The following ZNF609 variants were observed in gnomAD, a reference collection of about 807,000 sequenced individuals.
ZNF609 encodes the protein zinc finger protein 609.
Under a neutral mutation model 109.5 loss-of-function variants are expected in ZNF609, and 11 were observed. The observed-to-expected ratio is 0.10, with a 90% CI of 0.06 to 0.17. The LOEUF is 0.17. Ranked by LOEUF, ZNF609 falls within the 10% of genes least tolerant of loss-of-function variation. The pLI, the probability that ZNF609 is intolerant of heterozygous loss-of-function variation, is 1.00. For missense variants in ZNF609, 1,559 were observed against 1,772.4 expected (o/e 0.88, Z 2.16); for synonymous variants, 646 against 662.0 (o/e 0.98, Z 0.37).
At chr15:64,485,439 AGT>A (rs1893318280) in intron 1 of ZNF609, among the ~76,000 whole-genome samples, 1 of 152,100 alleles carries the variant, frequency 6.6e-6, no homozygotes, top group Non-Finnish European at 1.5e-5. Flanking sequence ...TGGAAGATAA[AGT>A]GTTTGCATGT....
intron 2 of ZNF609, among the ~76,000 whole-genome samples, chr15:64,571,659 A>T (rs1474473235): frequency 6.6e-6 from 1 of 152,076 alleles, no homozygotes; most frequent in East Asian, 1.9e-4. Context: ...CTCTAGTTTT[A>T]TGTAGTTGAG....
intron 2 of ZNF609, among the ~76,000 whole-genome samples, chr15:64,541,564 G>A (rs1204974251): frequency 6.6e-6 from 1 of 151,946 alleles, no homozygotes; most frequent in Non-Finnish European, 1.5e-5. Flanking sequence ...AATTCCGCCG[G>A]GTGCCGTGGC....
At chr15:64,593,099 A>T (rs930286824) in intron 2 of ZNF609, 13 of 1,593,992 alleles carry the variant, frequency 8.2e-6, no homozygotes, top group Non-Finnish European at 1.1e-5. Flanking sequence ...GAAATTCGTC[A>T]TTCGAAACAT....
chr15:64,546,103 G>A (rs944472196), intron 2 of ZNF609, among the ~76,000 whole-genome samples: 21 of 152,136 alleles, frequency 1.4e-4, no homozygotes, highest in Non-Finnish European at 2.5e-4. Context: ...GTGGTTACAC[G>A]ATTTTATACT....
chr15:64,580,632 C>A (rs189426334), intron 2 of ZNF609, among the ~76,000 whole-genome samples: 1 of 151,064 alleles, frequency 6.6e-6, no homozygotes, highest in East Asian at 2.0e-4. Context: ...ACCTCTGCCT[C>A]CTGGGTTGAA....
At chr15:64,594,638 A>G (rs1028740990) in intron 2 of ZNF609, among the ~76,000 whole-genome samples, 5 of 151,810 alleles carry the variant, frequency 3.3e-5, no homozygotes, top group African/African-American at 1.2e-4. Flanking sequence ...GCACCTGGTC[A>G]CAAAATGTAA....
chr15:64,529,965 G>T (rs1350415649), intron 2 of ZNF609, among the ~76,000 whole-genome samples: 1 of 151,806 alleles, frequency 6.6e-6, no homozygotes, highest in Non-Finnish European at 1.5e-5. Context: ...GCCGACCTCA[G>T]GTGATCCACC....
intron 3 of ZNF609, among the ~76,000 whole-genome samples, chr15:64,664,306 A>G (rs961734902): frequency 1.3e-5 from 2 of 152,136 alleles, no homozygotes; most frequent in Non-Finnish European, 2.9e-5. Context: ...CTCTGCTCCA[A>G]TATTTATCAC....
At chr15:64,602,545 A>G (rs907640597) in intron 2 of ZNF609, among the ~76,000 whole-genome samples, 2 of 152,046 alleles carry the variant, frequency 1.3e-5, no homozygotes, top group Admixed American at 6.6e-5. Flanking sequence ...TATTATTTTC[A>G]GACTTCTTTG....
chr15:64,524,178 A>T (rs767394076), intron 2 of ZNF609, among the ~76,000 whole-genome samples: 1 of 152,162 alleles, frequency 6.6e-6, no homozygotes, highest in South Asian at 2.1e-4. Flanking sequence ...GAAACCCTGT[A>T]CCCATCAGCA....
At chr15:64,497,871 AGCCTGG>A (rs1243652507) in intron 1 of ZNF609, among the ~76,000 whole-genome samples, 10 of 150,096 alleles carry the variant, frequency 6.7e-5, no homozygotes, top group Non-Finnish European at 1.3e-4. Flanking sequence ...ACTGCACTTG[AGCCTGG>A]GCAACAGAAC....
intron 2 of ZNF609, among the ~76,000 whole-genome samples, chr15:64,564,895 T>TGGAGTGCA (rs1894750639): frequency 6.6e-6 from 1 of 151,724 alleles, no homozygotes; most frequent in South Asian, 2.1e-4. Flanking sequence ...TTGCCCAGGC[T>TGGAGTGCA]GGAGTGCAGT....
chr15:64,555,448 G>C (rs1032431388), intron 2 of ZNF609, among the ~76,000 whole-genome samples: 1 of 152,258 alleles, frequency 6.6e-6, no homozygotes, highest in Admixed American at 6.5e-5. Context: ...TGGATCACTT[G>C]AGGCCAGGAG....
intron 2 of ZNF609, among the ~76,000 whole-genome samples, chr15:64,599,152 A>G (rs1423456316): frequency 6.8e-6 from 1 of 147,832 alleles, no homozygotes; most frequent in Non-Finnish European, 1.5e-5. Context: ...GTAAAAAAAA[A>G]AGTTATTTTG....
At chr15:64,568,181 A>G (rs1026325437) in intron 2 of ZNF609, among the ~76,000 whole-genome samples, 5 of 152,170 alleles carry the variant, frequency 3.3e-5, no homozygotes, top group African/African-American at 9.7e-5. Flanking sequence ...CTCCAAAAAC[A>G]TGAGGACATT....
At position 64,674,299 on chromosome 15, in the gene ZNF609, C is replaced by A. The variant is rs1308596788; in HGVS notation, c.1445C>A (p.Pro482His). ...TGPLPGTKVE[P>H]TVLDRNCPSP... ...CCCCTTCCTGGGACAAAGGTAGAAC[C>A]CACTGTTCTGGACAGAAACTGCCCC... The change falls in exon 5 of 10, where the codon CCC becomes CAC. Residue 482 changes from proline (P) to histidine (H), a missense_variant. Physicochemically the swap from Pro to His is moderately conservative, Grantham distance 77. Around this residue, in one of 4 missense-constraint regions of ZNF609, gnomAD observed 1,204 missense variants for 1,314.1 expected, o/e 0.92. Coordinates refer to ENST00000326648, the MANE Select transcript of ZNF609 (RefSeq NM_015042.2). 6.2e-7 allele frequency: 1 copy of A among 1,614,130 alleles called. No homozygotes were observed. The highest frequency in any genetic ancestry group is 1.7e-5 in the Admixed American group (1 of 60,004).
chr15:64,562,531 C>T (rs543302375), intron 2 of ZNF609, among the ~76,000 whole-genome samples: 3 of 152,228 alleles, frequency 2.0e-5, no homozygotes, highest in South Asian at 2.1e-4. Context: ...ACACCCACAC[C>T]GGGCTCAATT....
At chr15:64,461,726 C>T (rs148811596) in intron 1 of ZNF609, among the ~76,000 whole-genome samples, 1 of 152,330 alleles carries the variant, frequency 6.6e-6, no homozygotes, top group African/African-American at 2.4e-5. Flanking sequence ...TAAGAAACAG[C>T]TCCCTACCTA....
At chr15:64,622,350 A>G (rs1331806395) in intron 2 of ZNF609, among the ~76,000 whole-genome samples, 3 of 152,096 alleles carry the variant, frequency 2.0e-5, no homozygotes, top group African/African-American at 4.8e-5. Flanking sequence ...ACCCAAATTC[A>G]TGGATTTTAT....
Sources: allele counts gnomAD v4.1 joint callset (sites outside exome capture counted in the v4.1 genomes callset), GRCh38; gene constraint gnomAD v4.1.1; regional missense constraint gnomAD v4.1.1; transcripts MANE v1.5; gene names NCBI Gene and HGNC (gene_info 2026-07-23, HGNC 2026-07-21).